Variants in PDE10A observed in about 807,000 individuals in gnomAD.
The protein encoded by PDE10A is cAMP and cAMP-inhibited cGMP 3',5'-cyclic phosphodiesterase 10A.
Under a neutral mutation model 97.7 loss-of-function variants are expected in PDE10A, and 39 were observed. The ratio of observed to expected loss-of-function variants is 0.40; its 90% CI spans 0.31 to 0.52. The LOEUF (loss-of-function observed/expected upper bound fraction) is 0.52, where lower values mean the gene tolerates loss of function less well. PDE10A is among the 20% of genes least tolerant of loss of function. The pLI is 0.56. For synonymous variants in PDE10A, 371 were observed against 376.8 expected (o/e 0.98, Z 0.18); for missense variants, 731 against 1,047.8 (o/e 0.70, Z 4.17).
intron 2 of PDE10A, among the ~76,000 whole-genome samples, chr6:165,530,414 T>C (rs2128314149): frequency 6.6e-6 from 1 of 151,044 alleles, no homozygotes; most frequent in South Asian, 2.1e-4. Flanking sequence ...CCAGAATCTA[T>C]AAAGAACTTA....
intron 13 of PDE10A, among the ~76,000 whole-genome samples, chr6:165,407,501 C>T (rs745323223): frequency 2.0e-5 from 3 of 152,086 alleles, no homozygotes; most frequent in African/African-American, 4.8e-5. Context: ...CACAATAAAG[C>T]CTTATATCAA....
intron 1 of PDE10A, among the ~76,000 whole-genome samples, chr6:165,805,934 C>G (rs60911798): frequency 6.7e-6 from 1 of 149,628 alleles, no homozygotes. Flanking sequence ...GAAGAATCCT[C>G]TTGTGTATCT....
At chr6:165,680,549 G>A (rs183295603) in intron 1 of PDE10A, among the ~76,000 whole-genome samples, 13 of 152,260 alleles carry the variant, frequency 8.5e-5, no homozygotes, top group African/African-American at 2.6e-4. Context: ...AAAGATAGAG[G>A]AATCTTGGAC....
At chr6:165,929,629 C>T (rs906090732) in intron 1 of PDE10A, among the ~76,000 whole-genome samples, 6 of 152,184 alleles carry the variant, frequency 3.9e-5, no homozygotes, top group African/African-American at 1.4e-4. Flanking sequence ...ATCATGAAGT[C>T]GAAAGCATAT....
chr6:165,889,990 CA>C, intron 1 of PDE10A, among the ~76,000 whole-genome samples: 1 of 119,966 alleles, frequency 8.3e-6, no homozygotes, highest in African/African-American at 3.2e-5. Context: ...CCTCACTCCT[CA>C]CTCCTCCCTC....
intron 1 of PDE10A, among the ~76,000 whole-genome samples, chr6:165,898,575 C>G (rs1343786212): frequency 3.3e-5 from 5 of 152,148 alleles, no homozygotes. Context: ...AATCCTCACC[C>G]CTCAGCCTTG....
At chr6:165,834,809 G>C (rs886321062) in intron 1 of PDE10A, among the ~76,000 whole-genome samples, 1 of 152,234 alleles carries the variant, frequency 6.6e-6, no homozygotes, top group Non-Finnish European at 1.5e-5. Context: ...CATTGTGCCA[G>C]CTGGCAGGGA....
At chr6:165,338,190 T>TG (rs1393537744) in intron 20 of PDE10A, among the ~76,000 whole-genome samples, 1 of 152,226 alleles carries the variant, frequency 6.6e-6, no homozygotes, top group Non-Finnish European at 1.5e-5. Flanking sequence ...GTGGAGGCAA[T>TG]GGCCATTCAT....
At chr6:165,901,826 T>TTTCTCATTTTCTTTGTTC (rs1386632576) in intron 1 of PDE10A, among the ~76,000 whole-genome samples, 3 of 150,854 alleles carry the variant, frequency 2.0e-5, no homozygotes, top group Non-Finnish European at 4.4e-5. Flanking sequence ...AGAATTTGTT[T>TTTCTCATTTTCTTTGTTC]TTCTCATTTT....
chr6:165,958,559 AAGAAAGACAGAC>A (rs1368956136), intron 1 of PDE10A, among the ~76,000 whole-genome samples: 1,056 of 33,986 alleles, frequency 0.031, 53 homozygotes, highest in South Asian at 0.074. Context: ...GAAAGAAAGA[AAGAAAGACAGAC>A]AGAAAGAAAG....
chr6:165,957,944 G>A (rs777676526), intron 1 of PDE10A, among the ~76,000 whole-genome samples: 6 of 152,150 alleles, frequency 3.9e-5, no homozygotes, highest in Non-Finnish European at 8.8e-5. Flanking sequence ...CACCTCTCAG[G>A]GCTGGAGAGC....
At chr6:165,823,230 A>G (rs1256445855) in intron 1 of PDE10A, among the ~76,000 whole-genome samples, 1 of 150,238 alleles carries the variant, frequency 6.7e-6, no homozygotes, top group Admixed American at 6.7e-5. Context: ...CTTTCTTTGT[A>G]TTCTTATTCT....
intron 3 of PDE10A, among the ~76,000 whole-genome samples, chr6:165,474,446 T>G (rs1342434843): frequency 6.6e-6 from 1 of 152,214 alleles, no homozygotes; most frequent in Non-Finnish European, 1.5e-5. Flanking sequence ...TCATATAAAC[T>G]TTTTTCCTTC....
intron 1 of PDE10A, among the ~76,000 whole-genome samples, chr6:165,867,007 C>G (rs1379486352): frequency 1.3e-5 from 2 of 151,864 alleles, no homozygotes; most frequent in Non-Finnish European, 2.9e-5. Context: ...AAATATAAAA[C>G]TCACTGGAAA....
At chr6:165,422,402 T>G (rs552571449) in intron 10 of PDE10A, among the ~76,000 whole-genome samples, 1 of 140,018 alleles carries the variant, frequency 7.1e-6, no homozygotes, top group Non-Finnish European at 1.5e-5. Context: ...CATACACACA[T>G]ACGCATACAC....
At chr6:165,651,877 C>T (rs891303980) in intron 1 of PDE10A, among the ~76,000 whole-genome samples, 2 of 152,036 alleles carry the variant, frequency 1.3e-5, no homozygotes, top group South Asian at 2.1e-4. Context: ...TACCTAGTAT[C>T]CTCAAATCAT....
chr6:165,722,455 T>C (rs1007128500), intron 1 of PDE10A, among the ~76,000 whole-genome samples: 5 of 152,234 alleles, frequency 3.3e-5, no homozygotes, highest in African/African-American at 1.2e-4. Flanking sequence ...CAACAAATCC[T>C]GTGTATGCTA....
chr6:165,458,976 T>C (rs1239776240), intron 3 of PDE10A, among the ~76,000 whole-genome samples: 5 of 145,830 alleles, frequency 3.4e-5, no homozygotes, highest in East Asian at 4.0e-4. Flanking sequence ...AGGCATCACA[T>C]TTCTTCAGCA....
chr6:165,645,581 C>T (rs190828710), intron 1 of PDE10A, among the ~76,000 whole-genome samples: 4 of 152,118 alleles, frequency 2.6e-5, no homozygotes, highest in South Asian at 2.1e-4. Flanking sequence ...TGGCTGGGCG[C>T]GGTGTCTCAC....
Sources: allele counts gnomAD v4.1 joint callset (sites outside exome capture counted in the v4.1 genomes callset), GRCh38; gene constraint gnomAD v4.1.1; transcripts MANE v1.5; gene names NCBI Gene and HGNC (gene_info 2026-07-23, HGNC 2026-07-21).